ATXN10: variants seen among roughly 807,000 people sequenced by gnomAD.
ATXN10 encodes the protein ataxin 10, also known as ataxin-10.
A neutral mutation model predicts 52.9 loss-of-function variants in ATXN10; 28 were observed. That is an observed-to-expected ratio of 0.53 (90% CI 0.39 to 0.73). The LOEUF (loss-of-function observed/expected upper bound fraction) is 0.73. Among genes scored for constraint, ATXN10 ranks in the 30% least tolerant of loss-of-function variants. ATXN10 has a pLI of 0.00. For synonymous variants in ATXN10, 226 were observed against 221.5 expected, an observed-to-expected ratio of 1.02 and a Z score of -0.18; for missense variants, 565 against 577.0, an observed-to-expected ratio of 0.98 and a Z score of 0.21.
Position 45,843,727 on chromosome 22 carries a change from T to C in ATXN10, c.*56T>C, listed in dbSNP as rs1929423471. On this transcript the variant is annotated 3_prime_UTR_variant, in exon 12 of 12. Coordinates refer to ENST00000252934, the MANE Select transcript of ATXN10 (RefSeq NM_013236.4). This position sits in a 1 kb window ranked among gnomAD's most constrained non-coding sequence, Gnocchi z 4.5. ...GAATCTGTTTCATGGATTTTTCATC[T>C]TCTACCGTATGTGAAATTGCAAGTG... The C allele has an allele frequency of 6.5e-7, 1 of 1,540,446 alleles. No individual in the cohort carries two copies. Among genetic ancestry groups the C allele is most frequent in the Non-Finnish European group, 9.0e-7 (1 of 1,116,082 alleles).
intron 9 of ATXN10, among the ~76,000 whole-genome samples, chr22:45,755,290 T>C (rs558605208): frequency 1.3e-5 from 2 of 152,230 alleles, no homozygotes; most frequent in Non-Finnish European, 2.9e-5. Context: ...TCATTTCCTT[T>C]AGTTCAGATC....
chr22:45,767,985 TAGAC>T (rs988402402), intron 9 of ATXN10, among the ~76,000 whole-genome samples: 2 of 152,194 alleles, frequency 1.3e-5, no homozygotes, highest in African/African-American at 4.8e-5. Flanking sequence ...TTAAAGCTGT[TAGAC>T]AGCAAGAATT....
Position 45,690,577 on chromosome 22 carries a change from T to C in ATXN10, c.308+674T>C, listed in dbSNP as rs2146738479. On this transcript the variant is annotated intron_variant, in intron 2 of 11. Transcript: ENST00000252934. The surrounding 1 kb of genome is among the most constrained non-coding windows in gnomAD (Gnocchi z 4.5). Reference sequence around the variant, plus strand: ...TTCTTGACCTCAGGTTGTAAATGTTTTAATTACTTTTAATGTTTTAATTTG... The same window carrying C: ...TTCTTGACCTCAGGTTGTAAATGTTCTAATTACTTTTAATGTTTTAATTTG... 6.6e-6 allele frequency among the ~76,000 whole-genome samples: 1 copy of C among 152,368 alleles called. No homozygotes were observed. The highest frequency in any genetic ancestry group is 1.9e-4 in the East Asian group (1 of 5,192).
intron 10 of ATXN10, among the ~76,000 whole-genome samples, chr22:45,809,854 CT>C (rs1422233955): frequency 3.3e-5 from 5 of 152,148 alleles, no homozygotes; most frequent in Non-Finnish European, 5.9e-5. Context: ...AGTATTTTCT[CT>C]TTCCTGTTCT....
chr22:45,738,727 C>A lies in ATXN10; in HGVS notation c.895-4C>A. 6.2e-7 allele frequency: 1 copy of A among 1,611,094 alleles called. No individual in the cohort carries two copies. The highest frequency in any genetic ancestry group is 8.5e-7 in the Non-Finnish European group (1 of 1,177,594). ...TAAAAAGTTATGTTTTCTTTTCTTT[C>A]TAGGAGGCACTGGCTACAATTAGGC... On this transcript the variant is annotated splice_polypyrimidine_tract_variant and splice_region_variant and intron_variant, in intron 7 of 11. Coordinates refer to ENST00000252934, the MANE Select transcript of ATXN10 (RefSeq NM_013236.4).
At chr22:45,834,290 AGGTACTT>A (rs1569083067) in intron 10 of ATXN10, among the ~76,000 whole-genome samples, 3 of 152,168 alleles carry the variant, frequency 2.0e-5, no homozygotes, top group African/African-American at 7.2e-5. Context: ...AAAGATCACC[AGGTACTT>A]GGTAAACAGC....
In ATXN10 at chr22:45,784,922, G is replaced by A. The variant is rs1038526845; in HGVS notation, c.1174-22037G>A. Among the ~76,000 whole-genome samples, 3 of 152,224 alleles carry A rather than the reference G, an allele frequency of 2.0e-5. No homozygotes were observed. Among genetic ancestry groups the A allele is most frequent in the African/African-American group, 7.2e-5 (3 of 41,462 alleles). ...ATGAGTTAAAAATTAAAGACTGAAT[G>A]TGTTCATGACAGAATTCTGTTTGTT... On this transcript the variant is annotated intron_variant, in intron 9 of 11. Transcript: ENST00000252934. This position sits in a 1 kb window ranked among gnomAD's most constrained non-coding sequence, Gnocchi z 4.2.
rs748780048 is a variant in ATXN10 at position 45,694,940 on chromosome 22, C to CAAAAA, written c.391+1884_391+1888dup. ...TGGGTGACAGAGCAAGACTCTGTCTCAAAAAAAAAAAAAAAAAAAAAAAAA... is the reference window on the plus strand; with the variant it reads ...TGGGTGACAGAGCAAGACTCTGTCTCAAAAAAAAAAAAAAAAAAAAAAAAAAAAAA... On this transcript the variant is annotated intron_variant, in intron 3 of 11. Coordinates refer to ENST00000252934, the MANE Select transcript of ATXN10 (RefSeq NM_013236.4). Among the ~76,000 whole-genome samples the CAAAAA allele has an allele frequency of 8.7e-3, 191 of 21,890 alleles. 7 individuals carry two copies. Among genetic ancestry groups the CAAAAA allele is most frequent in the African/African-American group, 0.026 (178 of 6,854 alleles). The allele number at this position is 21,890 out of a possible 152,430, so 14.4% of individuals were successfully genotyped here.
At chr22:45,738,648 T>C (rs1601615567) in intron 7 of ATXN10, 83 bp from the exon 8 acceptor site, 17 of 1,161,702 alleles carry the variant, frequency 1.5e-5, no homozygotes, top group South Asian at 1.5e-4. Flanking sequence ...TATTGAAATA[T>C]TTTATTCTCT....
Position 45,732,626 on chromosome 22 carries a change from A to C in ATXN10, c.894+3036A>C, listed in dbSNP as rs1474942680. On this transcript the variant is annotated intron_variant, in intron 7 of 11. Transcript: ENST00000252934. The surrounding 1 kb of genome is among the most constrained non-coding windows in gnomAD (Gnocchi z 4.5). ...ACTTTGCCAGTATTTAAATATGCCA[A>C]AGACCAAGTGCTATACTGGAGCTGG... is the stretch of plus-strand genomic sequence containing the variant. 1.3e-5 allele frequency among the ~76,000 whole-genome samples: 2 copies of C among 152,010 alleles called. No individual in the cohort carries two copies. Among genetic ancestry groups the C allele is most frequent in the East Asian group, 3.8e-4 (2 of 5,198 alleles).
In ATXN10 at chr22:45,762,879, A is replaced by C. The variant is rs1433742725; in HGVS notation, c.1173+22341A>C. Reference sequence around the variant, plus strand: ...TTGGGTCTGTCTCCATCCCTGTTGTAGTCCCTCACAGCCCAGACTGTGGAC... The same window carrying C: ...TTGGGTCTGTCTCCATCCCTGTTGTCGTCCCTCACAGCCCAGACTGTGGAC... On this transcript the variant is annotated intron_variant, in intron 9 of 11. Coordinates refer to ENST00000252934, the MANE Select transcript of ATXN10 (RefSeq NM_013236.4). This position sits in a 1 kb window ranked among gnomAD's most constrained non-coding sequence, Gnocchi z 4.3. Among the ~76,000 whole-genome samples, 1 of 152,150 alleles carries C rather than the reference A, an allele frequency of 6.6e-6. No individual in the cohort carries two copies. The highest frequency in any genetic ancestry group is 1.5e-5 in the Non-Finnish European group (1 of 68,036).
intron 3 of ATXN10, among the ~76,000 whole-genome samples, chr22:45,694,106 T>C (rs911381271): frequency 2.0e-5 from 3 of 152,112 alleles, no homozygotes; most frequent in African/African-American, 7.2e-5. Context: ...AAGTATCTAG[T>C]GTGATGAAAA....
At chr22:45,753,067 C>T (rs909150842) in intron 9 of ATXN10, among the ~76,000 whole-genome samples, 80 of 152,066 alleles carry the variant, frequency 5.3e-4, no homozygotes, top group African/African-American at 1.8e-3. Flanking sequence ...TGTCCATCTT[C>T]GTCTTGAGTC....
In ATXN10 at chr22:45,780,698, T is replaced by A. The variant is rs542657618; in HGVS notation, c.1174-26261T>A. Among the ~76,000 whole-genome samples, 1 of 152,336 alleles carries A rather than the reference T, an allele frequency of 6.6e-6. No homozygotes were observed. Among genetic ancestry groups the A allele is most frequent in the Admixed American group, 6.5e-5 (1 of 15,300 alleles). Reference sequence around the variant, plus strand: ...TTTGCACAAATATATCCTAATCTTCTGAAATTTAAACCTGGATCAGTGACT... The same window carrying A: ...TTTGCACAAATATATCCTAATCTTCAGAAATTTAAACCTGGATCAGTGACT... On this transcript the variant is annotated intron_variant, in intron 9 of 11. Transcript: ENST00000252934. This position sits in a 1 kb window ranked among gnomAD's most constrained non-coding sequence, Gnocchi z 4.0.
chr22:45,833,319 G>GGTAA lies in ATXN10; in HGVS notation c.1238-9671_1238-9668dup, dbSNP rs1416305408. Among the ~76,000 whole-genome samples the GGTAA allele has an allele frequency of 6.6e-6, 1 of 152,170 alleles. No homozygotes were observed. Among genetic ancestry groups the GGTAA allele is most frequent in the Non-Finnish European group, 1.5e-5 (1 of 68,024 alleles). On this transcript the variant is annotated intron_variant, in intron 10 of 11. Transcript: ENST00000252934. The surrounding 1 kb of genome is among the most constrained non-coding windows in gnomAD (Gnocchi z 4.3). ...TGAGGAGGCAGGTCAGGATGGCCAT[G>GGTAA]GTAACTAATGCCATTGGAGCAAGTG... is the stretch of plus-strand genomic sequence containing the variant.
At chr22:45,821,414 A>G (rs2146900423) in intron 10 of ATXN10, among the ~76,000 whole-genome samples, 1 of 152,114 alleles carries the variant, frequency 6.6e-6, no homozygotes, top group South Asian at 2.1e-4. Flanking sequence ...AGCACCAGGA[A>G]ATCCTAATGG....
At chr22:45,704,062 T>C (rs1168679116) in intron 5 of ATXN10, 2 of 151,762 alleles carry the variant, frequency 1.3e-5, no homozygotes, top group African/African-American at 4.8e-5. Flanking sequence ...TCCCCTAGAC[T>C]CTGAAGATAC....
rs971206416 is a variant in ATXN10 at position 45,820,151 on chromosome 22, C to T, written c.1237+13129C>T. 1.3e-5 allele frequency among the ~76,000 whole-genome samples: 2 copies of T among 152,124 alleles called. No individual in the cohort carries two copies. The highest frequency in any genetic ancestry group is 2.9e-5 in the Non-Finnish European group (2 of 68,032). On this transcript the variant is annotated intron_variant, in intron 10 of 11. Transcript: ENST00000252934. The surrounding 1 kb of genome is among the most constrained non-coding windows in gnomAD (Gnocchi z 4.9). ...GGACCAATACATTAAAAAGCAAAAACGTATTGGGCCTGTTGGATTCTGTGA... is the reference window on the plus strand; with the variant it reads ...GGACCAATACATTAAAAAGCAAAAATGTATTGGGCCTGTTGGATTCTGTGA...
chr22:45,689,688 C>G, intron 1 of ATXN10, 24 bp from the exon 2 acceptor site: 1 of 1,599,394 alleles, frequency 6.3e-7, no homozygotes, highest in Non-Finnish European at 8.6e-7. Flanking sequence ...TTTTCTGATT[C>G]GTGATAATTT....
Sources: gnomAD v4.1 joint callset for allele counts (sites outside exome capture counted in the v4.1 genomes callset) on GRCh38, gnomAD v4.1.1 for gene constraint, Gnocchi (gnomAD v3.1) non-coding constraint, MANE v1.5 for transcripts, NCBI Gene and HGNC (gene_info 2026-07-23, HGNC 2026-07-21) for gene names.